The following SCART1 variants were observed in gnomAD, a reference collection of about 807,000 sequenced individuals.
SCART1 encodes the protein scavenger receptor cysteine-rich domain-containing protein SCART1.
SCART1 carries 62 observed loss-of-function variants against 36.2 expected under a neutral mutation model. That is an observed-to-expected ratio of 1.71 (90% CI 1.40 to 2.12). The LOEUF is 2.12. Ranked by LOEUF, SCART1 falls within the 30% of genes most tolerant of loss-of-function variation. The probability of loss-of-function intolerance (pLI) is 0.00; values close to 1 mark genes in which losing one functional copy is unlikely to be tolerated. For synonymous variants in SCART1, 487 were observed against 238.7 expected (o/e 2.04, Z -9.59); for missense variants, 1,041 against 540.5 (o/e 1.93, Z -9.18).
chr10:133,456,739 T>C (rs1262222920), intron 2 of SCART1, among the ~76,000 whole-genome samples, 185 bp downstream of exon 2: 2 of 151,836 alleles, frequency 1.3e-5, no homozygotes, highest in African/African-American at 4.8e-5. Context: ...CCATCCTGAC[T>C]GTAAGATTCA....
At chr10:133,458,048 C>T (rs1850641621) in intron 3 of SCART1, 1 of 593,970 alleles carries the variant, frequency 1.7e-6, no homozygotes, top group Non-Finnish European at 3.0e-6. Context: ...CCAAGGGGTG[C>T]CCTGACCTCG....
At chr10:133,464,518 G>A (rs1418184752) in intron 6 of SCART1, 88 bp from the exon 7 acceptor site, 4 of 604,618 alleles carry the variant, frequency 6.6e-6, no homozygotes, top group Non-Finnish European at 1.2e-5. Context: ...CTCAGTGCTG[G>A]GACCCCTTGA....
At chr10:133,465,523 G>A (rs892231890) in exon 9 of SCART1, 1 of 527,062 alleles carries the variant, frequency 1.9e-6, no homozygotes, top group East Asian at 3.3e-5. Context: ...GTGGGGACGC[G>A]GAGACCGCGC....
At chr10:133,462,822 C>T (rs1310681951) in intron 6 of SCART1, among the ~76,000 whole-genome samples, 1 of 152,196 alleles carries the variant, frequency 6.6e-6, no homozygotes, top group Non-Finnish European at 1.5e-5. Context: ...GTCTCAGACC[C>T]TATTCCTTGA....
At chr10:133,457,773 C>T (rs1850638251) in intron 3 of SCART1, 198 bp downstream of exon 3, 1 of 559,944 alleles carries the variant, frequency 1.8e-6, no homozygotes, top group African/African-American at 1.9e-5. Context: ...TCTGGTGGCC[C>T]CACAGAGGTG....
At chr10:133,460,694 G>A (rs1464426538) in intron 6 of SCART1, among the ~76,000 whole-genome samples, 1 of 150,806 alleles carries the variant, frequency 6.6e-6, no homozygotes, top group Non-Finnish European at 1.5e-5. Context: ...AGGCACTGCC[G>A]CTGGCTTCAG....
intron 3 of SCART1, chr10:133,457,996 T>C (rs1428652369): frequency 3.8e-6 from 2 of 531,762 alleles, no homozygotes; most frequent in Non-Finnish European, 6.8e-6. Flanking sequence ...AGGTGGATAG[T>C]CTGCCTGCTG....
chr10:133,457,469 G>C (rs1480616515), exon 3 of SCART1: 2 of 702,716 alleles, frequency 2.8e-6, no homozygotes, highest in Admixed American at 2.0e-5. Flanking sequence ...TCGTCAGGAA[G>C]TACCTGGCCT....
chr10:133,457,704 G>T, intron 3 of SCART1, 129 bp downstream of exon 3: 1 of 573,124 alleles, frequency 1.7e-6, no homozygotes. Flanking sequence ...GACATTGGGC[G>T]CAGAGGTGGG....
chr10:133,457,899 T>C (rs1272205669), intron 3 of SCART1: 2 of 518,908 alleles, frequency 3.9e-6, no homozygotes, highest in South Asian at 2.2e-5. Flanking sequence ...AGAGGTCACT[T>C]CTTCCCAGCC....
intron 11 of SCART1, among the ~76,000 whole-genome samples, chr10:133,467,637 C>T (rs1014549652): frequency 3.9e-5 from 6 of 152,178 alleles, no homozygotes; most frequent in African/African-American, 1.2e-4. Context: ...GCATATGCTG[C>T]AGCTCACTCA....
At chr10:133,466,818 C>T (rs756617425) in intron 10 of SCART1, among the ~76,000 whole-genome samples, 3 of 152,210 alleles carry the variant, frequency 2.0e-5, no homozygotes, top group Admixed American at 2.0e-4. Context: ...GAAGTCAACA[C>T]GGTGGATCAG....
exon 11 of SCART1, chr10:133,467,219 C>T: frequency 1.4e-6 from 1 of 701,902 alleles, no homozygotes; most frequent in Non-Finnish European, 2.6e-6. Context: ...TCCGAGGTAT[C>T]TCCTGGAGAA....
rs747135368 is a variant in SCART1 at position 133,465,643 on chromosome 10, C to A, written c.2659+78C>A. 5 of 595,128 alleles carry A rather than the reference C, an allele frequency of 8.4e-6. No individual in the cohort carries two copies. The East Asian group carries it at 1.4e-4, about 17-fold the overall frequency. 36.9% of individuals were successfully genotyped at this position (595,128 alleles called of 1,614,324 possible). Reference sequence around the variant, plus strand: ...ATGGAGTCAGTCTTGAGTGTCACTTCGGTGGGCAGGAGAGCTCGCCCAGGT... The same window carrying A: ...ATGGAGTCAGTCTTGAGTGTCACTTAGGTGGGCAGGAGAGCTCGCCCAGGT... On this transcript the variant is annotated intron_variant, in intron 9 of 11. Transcript: ENST00000640237.
intron 1 of SCART1, among the ~76,000 whole-genome samples, chr10:133,455,702 GC>G (rs1480169047): frequency 2.0e-5 from 3 of 152,056 alleles, no homozygotes; most frequent in Non-Finnish European, 2.9e-5. Flanking sequence ...GTGAGATCCT[GC>G]CTGGAAGCCG....
exon 9 of SCART1, chr10:133,465,276 G>T (rs1338204303): frequency 1.5e-6 from 1 of 686,724 alleles, no homozygotes; most frequent in East Asian, 2.7e-5. Context: ...GCGTGCGCGG[G>T]GGCGAGGACC....
At chr10:133,460,958 A>T (rs1269847424) in intron 6 of SCART1, among the ~76,000 whole-genome samples, 3 of 149,548 alleles carry the variant, frequency 2.0e-5, no homozygotes, top group Non-Finnish European at 4.5e-5. Flanking sequence ...CCGGTCTCAA[A>T]CTCCTGGACT....
intron 3 of SCART1, 46 bp downstream of exon 3, chr10:133,457,621 G>A (rs1278345609): frequency 7.9e-6 from 5 of 632,980 alleles, no homozygotes; most frequent in African/African-American, 1.8e-5. Context: ...GGATGATGCT[G>A]GGCCCGGACC....
chr10:133,460,837 C>G (rs1357626688), intron 6 of SCART1, among the ~76,000 whole-genome samples: 1 of 151,788 alleles, frequency 6.6e-6, no homozygotes, highest in Non-Finnish European at 1.5e-5. Flanking sequence ...TTCCTGGGCT[C>G]AAACCATCCT....
Sources: gnomAD v4.1 joint callset for allele counts (sites outside exome capture counted in the v4.1 genomes callset) on GRCh38, gnomAD v4.1.1 for gene constraint, MANE v1.5 for transcripts, NCBI Gene and HGNC (gene_info 2026-07-23, HGNC 2026-07-21) for gene names.